The following SYNPR variants were observed in gnomAD, a reference collection of about 807,000 sequenced individuals.
SYNPR encodes synaptoporin.
SYNPR carries 23 observed loss-of-function variants against 32.9 expected under a neutral mutation model. The ratio of observed to expected loss-of-function variants is 0.70; its 90% CI spans 0.50 to 0.99. SYNPR has a LOEUF of 0.99. SYNPR is among the 50% of genes least tolerant of loss of function. The pLI is 0.00. For synonymous variants in SYNPR, 146 were observed against 135.9 expected, an observed-to-expected ratio of 1.07 and a Z score of -0.52; for missense variants, 318 against 349.3, an observed-to-expected ratio of 0.91 and a Z score of 0.71.
chr3:63,610,795 A>G (rs1700186133), intron 5 of SYNPR, among the ~76,000 whole-genome samples: 1 of 152,230 alleles, frequency 6.6e-6, no homozygotes, highest in South Asian at 2.1e-4. Context: ...CTCCCAATAA[A>G]TTATGACGTT....
intron 2 of SYNPR, among the ~76,000 whole-genome samples, chr3:63,292,792 C>A (rs1206462261): frequency 6.6e-6 from 1 of 152,240 alleles, no homozygotes; most frequent in African/African-American, 2.4e-5. Flanking sequence ...CGCATGCACA[C>A]ACACATGCAC....
intron 2 of SYNPR, among the ~76,000 whole-genome samples, chr3:63,476,328 AGGAAGGGAAGGAAGGAAGGAGGGAAG>A (rs1700919764): frequency 2.4e-5 from 2 of 84,746 alleles, no homozygotes; most frequent in Non-Finnish European, 4.8e-5. Context: ...AAGCAAGGGA[AGGAAGGGAAGGAAGGAAGGAGGGAAG>A]GGAAGGGAAG....
chr3:63,429,068 ATGTGT>A (rs1240932650), intron 2 of SYNPR, among the ~76,000 whole-genome samples: 1 of 152,160 alleles, frequency 6.6e-6, no homozygotes, highest in African/African-American at 2.4e-5. Flanking sequence ...CAGAGAACTG[ATGTGT>A]TGGCAAGTTA....
At chr3:63,527,392 A>G (rs1575693111) in intron 3 of SYNPR, among the ~76,000 whole-genome samples, 2 of 150,168 alleles carry the variant, frequency 1.3e-5, no homozygotes, top group Admixed American at 1.3e-4. Flanking sequence ...TAAAAAAAAA[A>G]TTCAGAAAGC....
At chr3:63,571,507 T>G (rs1004791650) in intron 4 of SYNPR, among the ~76,000 whole-genome samples, 6 of 152,134 alleles carry the variant, frequency 3.9e-5, no homozygotes, top group Non-Finnish European at 8.8e-5. Flanking sequence ...ATCCGAAAAC[T>G]AGAGATTTAC....
intron 1 of SYNPR, among the ~76,000 whole-genome samples, chr3:63,239,278 C>G (rs1394953107): frequency 1.2e-5 from 1 of 80,780 alleles, no homozygotes; most frequent in Non-Finnish European, 2.9e-5. Context: ...CTACCATTGT[C>G]AAGTGTGTCA....
intron 2 of SYNPR, among the ~76,000 whole-genome samples, chr3:63,261,957 A>T (rs564926152): frequency 1.3e-5 from 2 of 151,812 alleles, no homozygotes; most frequent in Non-Finnish European, 2.9e-5. Flanking sequence ...CAGCATACCA[A>T]CATGGCACAT....
chr3:63,496,908 G>A (rs1701384980), intron 3 of SYNPR, among the ~76,000 whole-genome samples: 1 of 152,106 alleles, frequency 6.6e-6, no homozygotes, highest in Non-Finnish European at 1.5e-5. Context: ...GCTTGGCAAT[G>A]AAGGGAATTT....
intron 2 of SYNPR, among the ~76,000 whole-genome samples, chr3:63,404,008 T>C (rs2088326436): frequency 6.6e-6 from 1 of 152,062 alleles, no homozygotes; most frequent in Non-Finnish European, 1.5e-5. Flanking sequence ...AGAAAGGTGT[T>C]CATGTTAGCT....
intron 2 of SYNPR, among the ~76,000 whole-genome samples, chr3:63,372,360 ATC>A (rs1181061144): frequency 6.6e-6 from 1 of 151,096 alleles, no homozygotes; most frequent in African/African-American, 2.4e-5. Context: ...GGCTCTGTGT[ATC>A]TCTGAGAGGG....
At chr3:63,555,338 G>A (rs1356148401) in intron 3 of SYNPR, among the ~76,000 whole-genome samples, 1 of 140,762 alleles carries the variant, frequency 7.1e-6, no homozygotes, top group Non-Finnish European at 1.6e-5. Flanking sequence ...TATCATCACT[G>A]TTACTTTTAT....
chr3:63,366,336 T>G (rs2087729419), intron 2 of SYNPR, among the ~76,000 whole-genome samples: 1 of 152,186 alleles, frequency 6.6e-6, no homozygotes, highest in Non-Finnish European at 1.5e-5. Flanking sequence ...TTAAATAAGC[T>G]TAGATGATCT....
chr3:63,548,780 C>G (rs1356930945), intron 3 of SYNPR, among the ~76,000 whole-genome samples: 1 of 152,102 alleles, frequency 6.6e-6, no homozygotes, highest in African/African-American at 2.4e-5. Flanking sequence ...GCAGCCTGCT[C>G]CCCCACACCT....
chr3:63,579,807 A>ACG (rs1703057935), intron 4 of SYNPR, among the ~76,000 whole-genome samples: 1 of 151,654 alleles, frequency 6.6e-6, no homozygotes, highest in African/African-American at 2.4e-5. Flanking sequence ...ACACACACAC[A>ACG]CACACACACA....
intron 2 of SYNPR, among the ~76,000 whole-genome samples, chr3:63,375,321 C>A (rs553008878): frequency 1.6e-4 from 25 of 152,250 alleles, no homozygotes; most frequent in Non-Finnish European, 3.4e-4. Flanking sequence ...GGAACCAACC[C>A]AAATGTCCAT....
chr3:63,370,964 G>A (rs536785392), intron 2 of SYNPR, among the ~76,000 whole-genome samples: 9 of 152,244 alleles, frequency 5.9e-5, no homozygotes, highest in East Asian at 1.9e-4. Flanking sequence ...AGGAGCTAGC[G>A]TGCACTGCTC....
chr3:63,453,045 G>A (rs1700408054), intron 2 of SYNPR, among the ~76,000 whole-genome samples: 1 of 152,088 alleles, frequency 6.6e-6, no homozygotes, highest in Non-Finnish European at 1.5e-5. Flanking sequence ...CATCACCTGG[G>A]AGCTTGTTAA....
chr3:63,320,572 T>C (rs2087101102), intron 2 of SYNPR, among the ~76,000 whole-genome samples: 1 of 152,070 alleles, frequency 6.6e-6, no homozygotes, highest in South Asian at 2.1e-4. Context: ...CCAGTTCTAG[T>C]TCCCCCACTT....
At chr3:63,592,200 G>T (rs1373881194) in intron 4 of SYNPR, among the ~76,000 whole-genome samples, 1 of 152,130 alleles carries the variant, frequency 6.6e-6, no homozygotes, top group East Asian at 1.9e-4. Flanking sequence ...AGAGGAGCAT[G>T]GGAGGGATTC....
Sources: gnomAD v4.1 joint callset for allele counts (sites outside exome capture counted in the v4.1 genomes callset) on GRCh38, gnomAD v4.1.1 for gene constraint, MANE v1.5 for transcripts, NCBI Gene and HGNC (gene_info 2026-07-23, HGNC 2026-07-21) for gene names.